OR2L13: variants seen among roughly 807,000 people sequenced by gnomAD.
OR2L13 encodes olfactory receptor 2L13.
OR2L13 carries 14 observed loss-of-function variants against 15.3 expected under a neutral mutation model. That is an observed-to-expected ratio of 0.91 (90% confidence interval 0.60 to 1.43). The LOEUF (loss-of-function observed/expected upper bound fraction) is 1.43, where lower values mean the gene tolerates loss of function less well. OR2L13 is among the 40% of genes most tolerant of loss of function. The pLI is 0.00. For synonymous variants in OR2L13, 152 were observed against 142.9 expected (o/e 1.06, Z -0.45); for missense variants, 367 against 387.9 (o/e 0.95, Z 0.45).
At chr1:248,005,151 A>G in the OR2L13 span, among the ~76,000 whole-genome samples, 1 of 152,156 alleles carries the variant, frequency 6.6e-6, no homozygotes, top group Non-Finnish European at 1.5e-5. Flanking sequence ...TGTAGAATTT[A>G]TTGTATATCT....
At chr1:247,949,138 C>G in the OR2L13 span, 1 of 1,614,056 alleles carries the variant, frequency 6.2e-7, no homozygotes, top group Non-Finnish European at 8.5e-7. Flanking sequence ...ATCTCCTTCA[C>G]TGGGTGTGGG....
chr1:247,993,031 T>A, the OR2L13 span, among the ~76,000 whole-genome samples: 1 of 145,372 alleles, frequency 6.9e-6, no homozygotes, highest in African/African-American at 2.6e-5. Context: ...TTCACCAGCA[T>A]CTGGTGTTTT....
chr1:248,039,597 T>A, the OR2L13 span: 48 of 160,438 alleles, frequency 3.0e-4, no homozygotes, highest in East Asian at 9.3e-4. Flanking sequence ...GTTTTTTTTT[T>A]AATCAAATAT....
At chr1:248,048,216 A>C in the OR2L13 span, among the ~76,000 whole-genome samples, 1 of 152,330 alleles carries the variant, frequency 6.6e-6, no homozygotes, top group African/African-American at 2.4e-5. Context: ...GTGACTTGGA[A>C]GCACACATAC....
exon 3 of OR2L13, chr1:248,100,390 A>G (rs762743602): frequency 8.3e-6 from 6 of 723,690 alleles, no homozygotes; most frequent in African/African-American, 1.8e-5. Flanking sequence ...GTTGTCCAAT[A>G]GAAATACAAC....
At chr1:247,970,176 A>T in the OR2L13 span, among the ~76,000 whole-genome samples, 149,333 of 152,248 alleles carry the variant, frequency 0.98, 73,293 homozygotes, top group Middle Eastern at 1. Context: ...GTAAACAAAG[A>T]ATCTGGATCT....
the OR2L13 span, chr1:247,997,154 A>T: frequency 6.6e-6 from 1 of 152,202 alleles, no homozygotes. Context: ...TAATTTATCT[A>T]TTAAATCCAT....
the OR2L13 span, chr1:248,083,603 T>G: frequency 3.9e-6 from 5 of 1,280,846 alleles, no homozygotes; most frequent in Admixed American, 7.7e-5. Flanking sequence ...TGTTGATAAA[T>G]TCAGGAACTT....
the OR2L13 span, chr1:247,974,995 G>A: frequency 9.7e-6 from 3 of 310,486 alleles, no homozygotes; most frequent in South Asian, 1.2e-4. Flanking sequence ...CTGATTTTCT[G>A]TTTGGAAACA....
chr1:248,038,987 T>C, the OR2L13 span: 18,702 of 1,614,108 alleles, frequency 0.012, 127 homozygotes, highest in Non-Finnish European at 0.014. Flanking sequence ...ATTCAACCTG[T>C]AGCACCCACC....
At chr1:248,096,246 G>A (rs898237111), upstream of OR2L13, among the ~76,000 whole-genome samples, 4 of 152,040 alleles carry the variant, frequency 2.6e-5, no homozygotes, top group South Asian at 2.1e-4. Context: ...AGCCGGGCGT[G>A]GTGGTGGGCG....
chr1:248,016,616 G>C, the OR2L13 span, among the ~76,000 whole-genome samples: 1 of 151,672 alleles, frequency 6.6e-6, no homozygotes, highest in Non-Finnish European at 1.5e-5. Context: ...TTTTTGTTGT[G>C]GGTAATTAAA....
the OR2L13 span, chr1:248,024,218 A>G: frequency 6.6e-6 from 1 of 152,090 alleles, no homozygotes; most frequent in East Asian, 1.9e-4. Flanking sequence ...CCCCTTGCCC[A>G]AGAATTTGTA....
At chr1:247,959,392 T>C in the OR2L13 span, among the ~76,000 whole-genome samples, 1 of 152,196 alleles carries the variant, frequency 6.6e-6, no homozygotes, top group Non-Finnish European at 1.5e-5. Flanking sequence ...CCTTCATTTA[T>C]ACTTTGGTGA....
the OR2L13 span, chr1:248,083,540 C>G: frequency 1.1e-6 from 1 of 914,998 alleles, no homozygotes; most frequent in African/African-American, 1.7e-5. Flanking sequence ...AATGCACAAA[C>G]TTAATTTTCT....
At chr1:248,055,401 C>CT in the OR2L13 span, among the ~76,000 whole-genome samples, 66 of 148,840 alleles carry the variant, frequency 4.4e-4, 1 homozygote, top group South Asian at 1.3e-3. Flanking sequence ...ACAAAGTTTT[C>CT]TTTTTTTTTT....
chr1:248,093,076 T>C (rs141805161), upstream of OR2L13, among the ~76,000 whole-genome samples: 334 of 152,148 alleles, frequency 2.2e-3, no homozygotes, highest in East Asian at 0.015. Context: ...AGGCTGAGTA[T>C]ATGGTACAGA....
At chr1:247,945,087 A>C in the OR2L13 span, among the ~76,000 whole-genome samples, 1 of 151,516 alleles carries the variant, frequency 6.6e-6, no homozygotes, top group African/African-American at 2.4e-5. Context: ...CAGTTCTTTC[A>C]GTTGTGATGT....
exon 3 of OR2L13, chr1:248,099,949 T>A: frequency 6.2e-7 from 1 of 1,614,132 alleles, no homozygotes; most frequent in Non-Finnish European, 8.5e-7. Flanking sequence ...TACAGATACT[T>A]GGGTCTATGA....
Sources: allele counts gnomAD v4.1 joint callset (sites outside exome capture counted in the v4.1 genomes callset), GRCh38; gene constraint gnomAD v4.1.1; transcripts MANE v1.5; gene names NCBI Gene and HGNC (gene_info 2026-07-23, HGNC 2026-07-21).